The following LOXL2 variants were observed in gnomAD, a reference collection of about 807,000 sequenced individuals.
LOXL2 encodes lysyl oxidase like 2.
A neutral mutation model predicts 93.0 loss-of-function variants in LOXL2; 70 were observed. The observed-to-expected ratio is 0.75, with a 90% confidence interval of 0.62 to 0.92. The LOEUF is 0.92. Among genes scored for constraint, LOXL2 ranks in the 40% least tolerant of loss-of-function variants. The pLI is 0.00. For missense variants in LOXL2, 973 were observed against 1,054.9 expected, an observed-to-expected ratio of 0.92 and a Z score of 1.08; for synonymous variants, 438 against 413.2, an observed-to-expected ratio of 1.06 and a Z score of -0.73.
chr8:23,383,347 A>C (rs983918899), intron 1 of LOXL2, among the ~76,000 whole-genome samples: 2 of 152,064 alleles, frequency 1.3e-5, no homozygotes, highest in African/African-American at 4.8e-5. Flanking sequence ...ATGATGGTTA[A>C]ATGAAATAAT....
chr8:23,361,869 A>C (rs199675947), intron 2 of LOXL2, among the ~76,000 whole-genome samples: 1 of 123,096 alleles, frequency 8.1e-6, no homozygotes, highest in Non-Finnish European at 2.0e-5. Context: ...CAAAACAAAC[A>C]AAAAAAACAG....
chr8:23,363,013 C>T (rs1275390932), intron 2 of LOXL2: 1 of 152,156 alleles, frequency 6.6e-6, no homozygotes, highest in Non-Finnish European at 1.5e-5. Flanking sequence ...ACCTGCTTCT[C>T]ATTTCTAAAG....
intron 5 of LOXL2, chr8:23,328,989 A>G (rs1454159130): frequency 5.6e-6 from 1 of 178,844 alleles, no homozygotes; most frequent in Non-Finnish European, 1.2e-5. Flanking sequence ...AAGTCTGCAG[A>G]TTCCAAATGG....
intron 8 of LOXL2, among the ~76,000 whole-genome samples, chr8:23,317,966 C>G (rs1462036188): frequency 5.8e-5 from 2 of 34,676 alleles, no homozygotes; most frequent in African/African-American, 9.6e-5. Flanking sequence ...GTATTAGTAT[C>G]TCATCTAAAC....
intron 2 of LOXL2, chr8:23,365,031 C>T (rs140801751): frequency 6.6e-6 from 1 of 152,246 alleles, no homozygotes; most frequent in Admixed American, 6.5e-5. Context: ...AGAATCAGGA[C>T]AGCTGCTCCC....
At chr8:23,337,970 G>A (rs768921288) in intron 4 of LOXL2, among the ~76,000 whole-genome samples, 14 of 152,304 alleles carry the variant, frequency 9.2e-5, no homozygotes, top group African/African-American at 1.2e-4. Flanking sequence ...AGACATACCC[G>A]AGCCTGGGTA....
chr8:23,310,010 C>T lies in LOXL2; in HGVS notation c.1637-99G>A, dbSNP rs369559542. Reference sequence around the variant, plus strand: ...GGGACAAACCCCCTCTCCTGCCTACCGCCACCTTCTGGAATGACTCAAGGG... The same window carrying T: ...GGGACAAACCCCCTCTCCTGCCTACTGCCACCTTCTGGAATGACTCAAGGG... On this transcript the variant is annotated intron_variant, in intron 9 of 13. Transcript: ENST00000389131. 157 of 1,307,894 alleles carry T rather than the reference C, an allele frequency of 1.2e-4. 3 individuals are homozygous for T. The Middle Eastern group carries it at 4.6e-3, about 38-fold the overall frequency. 81.0% of individuals were successfully genotyped at this position (1,307,894 alleles called of 1,614,324 possible).
At chr8:23,395,782 C>T (rs1456243680) in intron 1 of LOXL2, among the ~76,000 whole-genome samples, 1 of 151,998 alleles carries the variant, frequency 6.6e-6, no homozygotes, top group Non-Finnish European at 1.5e-5. Context: ...TCACCGTAAC[C>T]TCCGCCTCAG....
At chr8:23,376,065 G>C (rs1291027122) in intron 1 of LOXL2, among the ~76,000 whole-genome samples, 1 of 152,104 alleles carries the variant, frequency 6.6e-6, no homozygotes, top group Non-Finnish European at 1.5e-5. Flanking sequence ...ATATGATATG[G>C]GCTGTGGGTT....
intron 1 of LOXL2, among the ~76,000 whole-genome samples, chr8:23,384,101 T>C (rs73226409): frequency 0.12 from 18,453 of 152,224 alleles, 1,378 homozygotes; most frequent in Admixed American, 0.18. Flanking sequence ...GAAATTCACT[T>C]GTATAGTAAA....
intron 2 of LOXL2, chr8:23,364,850 G>C (rs1377896781): frequency 6.6e-6 from 1 of 152,062 alleles, no homozygotes; most frequent in African/African-American, 2.4e-5. Flanking sequence ...TCAAAGAAAA[G>C]GAAAGAAAAA....
At chr8:23,360,738 GTGA>G (rs1183523293) in intron 2 of LOXL2, among the ~76,000 whole-genome samples, 3 of 152,244 alleles carry the variant, frequency 2.0e-5, no homozygotes, top group Non-Finnish European at 1.5e-5. Flanking sequence ...ACTAAAAATA[GTGA>G]TGATGATGAT....
chr8:23,319,529 G>T (rs1348693645), intron 8 of LOXL2, among the ~76,000 whole-genome samples: 2 of 152,274 alleles, frequency 1.3e-5, no homozygotes, highest in Admixed American at 1.3e-4. Context: ...CCACCTCCCC[G>T]AAGGACTGAG....
chr8:23,309,711 G>A lies in LOXL2; in HGVS notation c.1837C>T (p.Pro613Ser). 6.4e-7 allele frequency: 1 copy of A among 1,569,630 alleles called. No individual in the cohort carries two copies. Residue 613 changes from proline (P) to serine (S), a missense_variant, in exon 10 of 14, where the codon CCC becomes TCC. By Grantham distance (74) the Pro-to-Ser change is moderately conservative (BLOSUM62 -1). Coordinates refer to ENST00000389131, the MANE Select transcript of LOXL2 (RefSeq NM_002318.3). ...IHNNGQSDFR[P>S]KNGRHAWIWH... ...ATCCACGCGTGGCGGCCGTTCTTGGGCCGGAAGTCGGACTGGCCATTGTTG... is the reference window on the plus strand; with the variant it reads ...ATCCACGCGTGGCGGCCGTTCTTGGACCGGAAGTCGGACTGGCCATTGTTG...
intron 6 of LOXL2, among the ~76,000 whole-genome samples, chr8:23,322,762 G>A (rs1355397442): frequency 1.3e-5 from 2 of 152,196 alleles, no homozygotes; most frequent in African/African-American, 4.8e-5. Context: ...TGGAGTGAAG[G>A]GAAATCACAG....
chr8:23,306,878 A>G (rs867427854), intron 10 of LOXL2, among the ~76,000 whole-genome samples: 101 of 152,382 alleles, frequency 6.6e-4, no homozygotes, highest in Middle Eastern at 3.4e-3. Flanking sequence ...AGAGAGAGGC[A>G]TGGAGACCAT....
chr8:23,398,536 G>C lies in LOXL2; in HGVS notation c.-84+5418C>G, dbSNP rs1257304090. ...CACAACCTCAGCATCTGCTGAGTTA[G>C]TTCTTGTTCTCATCTGCCACACACA... On this transcript the variant is annotated intron_variant, in intron 1 of 13. Coordinates refer to ENST00000389131, the MANE Select transcript of LOXL2 (RefSeq NM_002318.3). Among the ~76,000 whole-genome samples, 4 of 152,200 alleles carry C rather than the reference G, an allele frequency of 2.6e-5. No homozygotes were observed. In the East Asian group the frequency reaches 7.7e-4, roughly 29 times the overall value.
intron 2 of LOXL2, among the ~76,000 whole-genome samples, chr8:23,362,385 T>A (rs1804310638): frequency 6.6e-6 from 1 of 152,194 alleles, no homozygotes; most frequent in South Asian, 2.1e-4. Context: ...GTTCTGCTGA[T>A]GATGGTTGCA....
At chr8:23,308,627 T>A (rs1346036567) in intron 10 of LOXL2, among the ~76,000 whole-genome samples, 5 of 152,128 alleles carry the variant, frequency 3.3e-5, no homozygotes, top group African/African-American at 1.2e-4. Flanking sequence ...GGCTCTGGAT[T>A]AGATTAAGAG....
Sources: allele counts gnomAD v4.1 joint callset (sites outside exome capture counted in the v4.1 genomes callset), GRCh38; gene constraint gnomAD v4.1.1; transcripts MANE v1.5; gene names NCBI Gene and HGNC (gene_info 2026-07-23, HGNC 2026-07-21).